COL5A2: variants seen among roughly 807,000 people sequenced by gnomAD.
The protein encoded by COL5A2 is collagen alpha-2(V) chain.
A neutral mutation model predicts 208.2 loss-of-function variants in COL5A2; 23 were observed. The observed-to-expected ratio is 0.11, with a 90% CI of 0.08 to 0.16. The LOEUF is 0.16. Among genes scored for constraint, COL5A2 ranks in the 10% least tolerant of loss-of-function variants. The pLI is 1.00. For synonymous variants in COL5A2, 625 were observed against 628.5 expected (o/e 0.99, Z 0.08); for missense variants, 1,590 against 1,956.4 (o/e 0.81, Z 3.53).
upstream of COL5A2, among the ~76,000 whole-genome samples, chr2:189,229,092 T>C (rs1488375750): frequency 1.3e-5 from 2 of 151,768 alleles, no homozygotes; most frequent in East Asian, 1.9e-4. Flanking sequence ...CAAAAAGTAT[T>C]TGGCAAAAGT....
At chr2:189,238,988 G>A in the COL5A2 span, among the ~76,000 whole-genome samples, 20 of 152,090 alleles carry the variant, frequency 1.3e-4, no homozygotes, top group Non-Finnish European at 2.8e-4. Flanking sequence ...AATACAATTA[G>A]GTATTCTTTT....
intron 1 of COL5A2, among the ~76,000 whole-genome samples, chr2:189,202,273 T>C (rs1176440113): frequency 6.6e-6 from 1 of 151,984 alleles, no homozygotes; most frequent in Non-Finnish European, 1.5e-5. Flanking sequence ...AGAGAAAAAG[T>C]AGAATAAATC....
At chr2:189,050,927 A>G (rs1685773815) in intron 42 of COL5A2, among the ~76,000 whole-genome samples, 1 of 152,206 alleles carries the variant, frequency 6.6e-6, no homozygotes. Context: ...ACTCAATAAA[A>G]GAGGTAACTT....
At chr2:189,267,261 G>T in the COL5A2 span, among the ~76,000 whole-genome samples, 2 of 151,966 alleles carry the variant, frequency 1.3e-5, no homozygotes, top group African/African-American at 4.8e-5. Flanking sequence ...GAAGTATACA[G>T]ATAATCTATG....
the COL5A2 span, among the ~76,000 whole-genome samples, chr2:189,348,081 T>C: frequency 1.3e-5 from 2 of 151,056 alleles, no homozygotes; most frequent in Non-Finnish European, 3.0e-5. Flanking sequence ...CAAAGGAGGG[T>C]ATGTGGGAAA....
intron 6 of COL5A2, among the ~76,000 whole-genome samples, chr2:189,094,836 G>C (rs1231172126): frequency 2.0e-5 from 3 of 150,884 alleles, no homozygotes; most frequent in Non-Finnish European, 4.4e-5. Flanking sequence ...CGTGTGATGA[G>C]AGACAGTCAT....
chr2:189,348,597 T>A, the COL5A2 span, among the ~76,000 whole-genome samples: 1 of 152,162 alleles, frequency 6.6e-6, no homozygotes, highest in Admixed American at 6.6e-5. Context: ...TTACATAACT[T>A]CTCTGAGCCT....
intron 33 of COL5A2, 137 bp from the exon 34 acceptor site, chr2:189,057,564 A>C (rs1048982202): frequency 4.8e-5 from 33 of 693,460 alleles, no homozygotes; most frequent in Non-Finnish European, 7.9e-5. Flanking sequence ...CATCTGAGAA[A>C]GTTGTCTCTG....
At chr2:189,281,070 T>C in the COL5A2 span, among the ~76,000 whole-genome samples, 2 of 152,090 alleles carry the variant, frequency 1.3e-5, no homozygotes, top group African/African-American at 2.4e-5. Flanking sequence ...TTGCACGTTG[T>C]GTGGTTAATT....
At chr2:189,086,300 G>C (rs1420588810) in intron 9 of COL5A2, among the ~76,000 whole-genome samples, 2 of 152,080 alleles carry the variant, frequency 1.3e-5, no homozygotes, top group Non-Finnish European at 2.9e-5. Context: ...AAAGCATATT[G>C]TATTATATTC....
rs1685344826 is a variant in COL5A2, at chr2:189,032,027, T to C, written c.*2043A>G. 3 of 152,138 alleles carry C rather than the reference T, an allele frequency of 2.0e-5. No homozygotes were observed. The highest frequency in any genetic ancestry group is 2.0e-4 in the Admixed American group (3 of 15,264). 9.4% of individuals were successfully genotyped at this position (152,138 alleles called of 1,614,324 possible). A position where few individuals can be genotyped will look rare whatever the true frequency, so the allele number is the denominator to read the frequency against. Reference sequence around the variant, plus strand: ...ATATTTCTGATTCATCTATATGAACTTATATAATCTTATAGTTTGGACTTG... The same window carrying C: ...ATATTTCTGATTCATCTATATGAACCTATATAATCTTATAGTTTGGACTTG... On this transcript the variant is annotated 3_prime_UTR_variant, in exon 54 of 54. Transcript: ENST00000374866.
the COL5A2 span, among the ~76,000 whole-genome samples, chr2:189,270,148 C>T: frequency 4.6e-5 from 7 of 152,076 alleles, no homozygotes; most frequent in East Asian, 1.4e-3. Flanking sequence ...GTCTGGCTGG[C>T]ATTCTATCTA....
intron 38 of COL5A2, 103 bp from the exon 39 acceptor site, chr2:189,053,121 A>C: frequency 1.0e-6 from 1 of 983,722 alleles, no homozygotes; most frequent in South Asian, 1.4e-5. Context: ...ATTGTGAAAC[A>C]GTGCTTTATA....
chr2:189,238,461 T>C, the COL5A2 span, among the ~76,000 whole-genome samples: 2 of 152,184 alleles, frequency 1.3e-5, no homozygotes, highest in Admixed American at 6.6e-5. Context: ...ATATTTGTTA[T>C]GTATCCCTAA....
intron 50 of COL5A2, among the ~76,000 whole-genome samples, chr2:189,040,353 C>A (rs1419272584): frequency 1.1e-5 from 1 of 88,660 alleles, no homozygotes; most frequent in African/African-American, 3.6e-5. Flanking sequence ...TTTTTTTTTG[C>A]CAAATAAGAC....
At chr2:189,169,451 A>G (rs1169184559) in intron 1 of COL5A2, among the ~76,000 whole-genome samples, 1 of 152,228 alleles carries the variant, frequency 6.6e-6, no homozygotes, top group Non-Finnish European at 1.5e-5. Context: ...TAAACCTACA[A>G]AAGGAAATAA....
At chr2:189,276,145 C>T in the COL5A2 span, among the ~76,000 whole-genome samples, 163 of 152,266 alleles carry the variant, frequency 1.1e-3, 1 homozygote, top group African/African-American at 3.8e-3. Flanking sequence ...CATATTTCTT[C>T]CTATCAGTTA....
the COL5A2 span, among the ~76,000 whole-genome samples, chr2:189,414,676 G>A: frequency 6.7e-6 from 1 of 150,312 alleles, no homozygotes; most frequent in African/African-American, 2.5e-5. Context: ...TTGAGCCCGG[G>A]AGACAGAGGT....
chr2:189,421,004 A>G, the COL5A2 span, among the ~76,000 whole-genome samples: 17 of 152,374 alleles, frequency 1.1e-4, no homozygotes, highest in African/African-American at 3.1e-4. Context: ...ATTGTTTAAT[A>G]CTAAAGGAAA....
Sources: gnomAD v4.1 joint callset for allele counts (sites outside exome capture counted in the v4.1 genomes callset) on GRCh38, gnomAD v4.1.1 for gene constraint, MANE v1.5 for transcripts, NCBI Gene and HGNC (gene_info 2026-07-23, HGNC 2026-07-21) for gene names.